HS6ST2: variants seen among roughly 807,000 people sequenced by gnomAD.
HS6ST2 encodes heparan-sulfate 6-O-sulfotransferase 2.
Under a neutral mutation model 33.0 loss-of-function variants are expected in HS6ST2, and 17 were observed. That is an observed-to-expected ratio of 0.52 (90% CI 0.35 to 0.77). HS6ST2 has a LOEUF of 0.77. Among genes scored for constraint, HS6ST2 ranks in the 30% least tolerant of loss-of-function variants. HS6ST2 has a pLI of 0.01. For missense variants in HS6ST2, 519 were observed against 551.7 expected (o/e 0.94, Z 0.59); for synonymous variants, 248 against 237.1 (o/e 1.05, Z -0.42).
At chrX:132,711,514 G>C (rs2064230897) in intron 2 of HS6ST2, among the ~76,000 whole-genome samples, 1 of 111,163 alleles carries the variant, frequency 9.0e-6, no homozygotes, top group Non-Finnish European at 1.9e-5. Flanking sequence ...TGACATGAAC[G>C]AGCTTGACAA....
intron 4 of HS6ST2, among the ~76,000 whole-genome samples, chrX:132,646,248 A>G (rs999259415): frequency 2.7e-5 from 3 of 111,711 alleles, no homozygotes; most frequent in Non-Finnish European, 5.6e-5. Context: ...CACAATGTAA[A>G]GTTTATTCCT....
chrX:132,943,561 C>T (rs28676982), intron 2 of HS6ST2, among the ~76,000 whole-genome samples: 3 of 110,927 alleles, frequency 2.7e-5, no homozygotes, highest in African/African-American at 3.3e-5. Context: ...ACAAAAAAAG[C>T]GAAATTTAGA....
chrX:132,872,415 G>A (rs1180708843), intron 2 of HS6ST2, among the ~76,000 whole-genome samples: 3 of 111,685 alleles, frequency 2.7e-5, no homozygotes, highest in Non-Finnish European at 5.6e-5. Context: ...AAGGGACTAA[G>A]AGACTCCTCG....
At chrX:132,780,813 C>A (rs1182323639) in intron 2 of HS6ST2, among the ~76,000 whole-genome samples, 2 of 111,855 alleles carry the variant, frequency 1.8e-5, no homozygotes, top group South Asian at 7.6e-4. Context: ...ACTCCGAGCC[C>A]CCAGCCTCAA....
At chrX:132,737,713 G>C (rs1440079464) in intron 2 of HS6ST2, among the ~76,000 whole-genome samples, 3 of 112,558 alleles carry the variant, frequency 2.7e-5, no homozygotes, top group Non-Finnish European at 5.6e-5. Context: ...AGCGGAAGGG[G>C]CAAGCATAGG....
chrX:132,737,796 AGGCAAGT>A (rs1394035481), intron 2 of HS6ST2, among the ~76,000 whole-genome samples: 1 of 112,596 alleles, frequency 8.9e-6, no homozygotes. Flanking sequence ...AAGCCAGGGC[AGGCAAGT>A]GCCCGCTGCA....
At chrX:132,803,657 C>T (rs2065256142) in intron 2 of HS6ST2, among the ~76,000 whole-genome samples, 2 of 111,890 alleles carry the variant, frequency 1.8e-5, no homozygotes, top group African/African-American at 6.5e-5. Flanking sequence ...GATCCACCCA[C>T]CTCGGCCTCT....
chrX:132,716,996 T>A (rs2064279849), intron 2 of HS6ST2, among the ~76,000 whole-genome samples: 1 of 112,759 alleles, frequency 8.9e-6, no homozygotes, highest in African/African-American at 3.2e-5. Context: ...AAGATATAAC[T>A]GCTTCATTCA....
intron 2 of HS6ST2, among the ~76,000 whole-genome samples, chrX:132,814,170 T>C (rs1288166996): frequency 8.9e-6 from 1 of 111,791 alleles, no homozygotes; most frequent in African/African-American, 3.3e-5. Context: ...GGTCTCGAAC[T>C]CCTGACCTTG....
At chrX:132,771,336 G>A (rs1430046799) in intron 2 of HS6ST2, among the ~76,000 whole-genome samples, 1 of 111,916 alleles carries the variant, frequency 8.9e-6, no homozygotes, top group African/African-American at 3.2e-5. Flanking sequence ...AATGAACAAT[G>A]TATTACTCTC....
At chrX:132,917,448 A>G (rs2066605224) in intron 2 of HS6ST2, among the ~76,000 whole-genome samples, 1 of 110,572 alleles carries the variant, frequency 9.0e-6, no homozygotes, top group Non-Finnish European at 1.9e-5. Context: ...AAAACACAAA[A>G]AATTAGCGGG....
chrX:132,892,138 C>T (rs113872054), intron 2 of HS6ST2, among the ~76,000 whole-genome samples: 1 of 112,038 alleles, frequency 8.9e-6, no homozygotes, highest in African/African-American at 3.2e-5. Context: ...TTTTTGAAGA[C>T]CATATTGAAA....
At chrX:132,660,425 A>G (rs2063762833) in intron 4 of HS6ST2, among the ~76,000 whole-genome samples, 1 of 111,674 alleles carries the variant, frequency 9.0e-6, no homozygotes, top group South Asian at 3.8e-4. Context: ...CCATTATACT[A>G]TACTACCTCT....
chrX:132,787,748 G>T (rs777744414), intron 2 of HS6ST2, among the ~76,000 whole-genome samples: 1 of 108,665 alleles, frequency 9.2e-6, no homozygotes, highest in Admixed American at 9.8e-5. Context: ...AAACTTAGCT[G>T]GGCGTTGTGG....
At chrX:132,720,573 T>C (rs1168863247) in intron 2 of HS6ST2, among the ~76,000 whole-genome samples, 1 of 110,394 alleles carries the variant, frequency 9.1e-6, no homozygotes, top group Admixed American at 9.7e-5. Context: ...TACTCATCAA[T>C]AATAACATTG....
At chrX:132,866,461 G>A (rs1413473306) in intron 2 of HS6ST2, among the ~76,000 whole-genome samples, 1 of 87,405 alleles carries the variant, frequency 1.1e-5, no homozygotes, top group Non-Finnish European at 2.2e-5. Context: ...TGGCGATGCA[G>A]GCTCTTTTTT....
intron 2 of HS6ST2, among the ~76,000 whole-genome samples, chrX:132,760,786 C>CTTGTGTGAG (rs1241819057): frequency 2.7e-5 from 3 of 111,189 alleles, no homozygotes; most frequent in African/African-American, 6.6e-5. Context: ...ATAACTCACC[C>CTTGTGTGAG]TTGTAGGCTG....
chrX:132,821,229 T>C (rs2065452357), intron 2 of HS6ST2, among the ~76,000 whole-genome samples: 1 of 86,303 alleles, frequency 1.2e-5, no homozygotes, highest in Non-Finnish European at 2.3e-5. Context: ...TTTTTTTTTT[T>C]CAAGACAGAG....
intron 3 of HS6ST2, among the ~76,000 whole-genome samples, chrX:132,673,201 A>G (rs2063897414): frequency 8.9e-6 from 1 of 112,509 alleles, no homozygotes; most frequent in Non-Finnish European, 1.9e-5. Context: ...AGTGTTGCTT[A>G]TATTTTATTA....
Sources: allele counts gnomAD v4.1 joint callset (sites outside exome capture counted in the v4.1 genomes callset), GRCh38; gene constraint gnomAD v4.1.1; transcripts MANE v1.5; gene names NCBI Gene and HGNC (gene_info 2026-07-23, HGNC 2026-07-21).